SLC9A9: variants seen among roughly 807,000 people sequenced by gnomAD.
The protein encoded by SLC9A9 is solute carrier family 9 member A9, also known as sodium/hydrogen exchanger 9.
In SLC9A9, 62 loss-of-function variants were observed where a neutral mutation model predicts 77.8. That is an observed-to-expected ratio of 0.80 (90% confidence interval 0.65 to 0.98). SLC9A9 has a LOEUF of 0.98. Among genes scored for constraint, SLC9A9 ranks in the 50% least tolerant of loss-of-function variants. The probability of loss-of-function intolerance (pLI) is 0.00; values close to 1 mark genes in which losing one functional copy is unlikely to be tolerated. For missense variants in SLC9A9, 775 were observed against 774.9 expected (o/e 1.00, Z 0.00); for synonymous variants, 320 against 283.5 (o/e 1.13, Z -1.29).
At chr3:143,792,894 A>G (rs1012892396) in intron 4 of SLC9A9, among the ~76,000 whole-genome samples, 2 of 152,164 alleles carry the variant, frequency 1.3e-5, no homozygotes, top group Non-Finnish European at 2.9e-5. Context: ...TGACCTCCCT[A>G]AAGTATGAAT....
At chr3:143,776,922 G>T (rs973895342) in intron 4 of SLC9A9, among the ~76,000 whole-genome samples, 1 of 152,150 alleles carries the variant, frequency 6.6e-6, no homozygotes, top group African/African-American at 2.4e-5. Flanking sequence ...ACAATTTCAT[G>T]AATTCAATTA....
In SLC9A9 at chr3:143,574,107, G is replaced by T. The variant is rs750185998; in HGVS notation, c.981C>A (p.Ala327=). The part of the protein sequence containing the change: ...FLLSWSAFLS[A]EAAGLTGIVA... The stretch of plus-strand genomic sequence containing the variant: ...ACTGACCTGTTAGGCCGGCAGCCTC[G>T]GCAGACAGGAAGGCACTCCAAGAAA... The change falls in exon 8 of 16, where the codon GCC becomes GCA. Residue 327 remains alanine, a synonymous_variant. Transcript: ENST00000316549. 6.2e-7 allele frequency: 1 copy of T among 1,613,138 alleles called. No homozygotes were observed. The highest frequency in any genetic ancestry group is 1.3e-5 in the African/African-American group (1 of 74,846).
intron 8 of SLC9A9, 132 bp from the exon 9 acceptor site, chr3:143,552,582 G>A (rs1186711603): frequency 2.8e-6 from 2 of 713,326 alleles, no homozygotes; most frequent in East Asian, 2.7e-5. Flanking sequence ...CCATGATAAT[G>A]CAACCTAGGT....
intron 5 of SLC9A9, among the ~76,000 whole-genome samples, chr3:143,677,656 G>A (rs905839717): frequency 5.3e-5 from 8 of 152,168 alleles, no homozygotes; most frequent in African/African-American, 1.7e-4. Context: ...CTGCAACCCT[G>A]CCAGCAATGA....
chr3:143,555,044 C>A (rs1261073758), intron 8 of SLC9A9, among the ~76,000 whole-genome samples: 2 of 152,136 alleles, frequency 1.3e-5, no homozygotes, highest in African/African-American at 4.8e-5. Context: ...TGTGTCCCCA[C>A]CCAAATCTCA....
intron 14 of SLC9A9, among the ~76,000 whole-genome samples, chr3:143,328,320 G>A (rs2031662943): frequency 6.6e-6 from 1 of 152,208 alleles, no homozygotes; most frequent in African/African-American, 2.4e-5. Context: ...GCTCCAAAAT[G>A]TAAGGTCTAT....
At chr3:143,548,196 A>T (rs2036820068) in intron 9 of SLC9A9, among the ~76,000 whole-genome samples, 1 of 152,170 alleles carries the variant, frequency 6.6e-6, no homozygotes, top group Non-Finnish European at 1.5e-5. Flanking sequence ...GATGCTATGG[A>T]AGTACATGGT....
intron 11 of SLC9A9, among the ~76,000 whole-genome samples, chr3:143,477,681 A>G (rs943404172): frequency 3.3e-5 from 5 of 152,136 alleles, no homozygotes; most frequent in African/African-American, 1.2e-4. Flanking sequence ...GAAGTTTGGG[A>G]GTCTGTGTGT....
intron 6 of SLC9A9, among the ~76,000 whole-genome samples, chr3:143,631,581 C>T (rs917025629): frequency 6.6e-6 from 1 of 152,036 alleles, no homozygotes; most frequent in Non-Finnish European, 1.5e-5. Flanking sequence ...AAATATATTG[C>T]CTTTCCTCTT....
chr3:143,613,157 T>G (rs1388711193), intron 6 of SLC9A9, among the ~76,000 whole-genome samples: 2 of 152,252 alleles, frequency 1.3e-5, no homozygotes, highest in Admixed American at 1.3e-4. Context: ...ATCTTTATGC[T>G]GGGCTATGGT....
chr3:143,661,009 G>A (rs1039112006), intron 5 of SLC9A9, among the ~76,000 whole-genome samples: 1 of 152,134 alleles, frequency 6.6e-6, no homozygotes, highest in Admixed American at 6.5e-5. Context: ...TACTCAGAAT[G>A]CACCATTTTA....
chr3:143,804,204 C>T (rs892185543), intron 2 of SLC9A9, among the ~76,000 whole-genome samples: 2 of 152,140 alleles, frequency 1.3e-5, no homozygotes, highest in Admixed American at 1.3e-4. Context: ...CAGATAAGCC[C>T]TCTATCAATA....
At chr3:143,640,451 C>A (rs1406924820) in intron 6 of SLC9A9, among the ~76,000 whole-genome samples, 1 of 152,162 alleles carries the variant, frequency 6.6e-6, no homozygotes, top group Non-Finnish European at 1.5e-5. Context: ...CATCACTGGG[C>A]ACTCTAAACT....
chr3:143,690,792 A>T (rs569191213), intron 5 of SLC9A9, among the ~76,000 whole-genome samples: 1 of 152,254 alleles, frequency 6.6e-6, no homozygotes, highest in Admixed American at 6.5e-5. Context: ...GAAAAAATGG[A>T]TTATTTGCCC....
chr3:143,526,645 A>G (rs2108617694), intron 9 of SLC9A9, among the ~76,000 whole-genome samples: 1 of 152,334 alleles, frequency 6.6e-6, no homozygotes, highest in African/African-American at 2.4e-5. Flanking sequence ...TTAAGGAGAC[A>G]GAGAACAATT....
intron 4 of SLC9A9, among the ~76,000 whole-genome samples, chr3:143,793,098 C>G (rs147845158): frequency 1.3e-5 from 2 of 152,270 alleles, no homozygotes; most frequent in African/African-American, 4.8e-5. Flanking sequence ...TAGGACTACT[C>G]TTTTAGTCAA....
chr3:143,514,789 C>G (rs1037584044), intron 9 of SLC9A9, among the ~76,000 whole-genome samples: 3 of 152,214 alleles, frequency 2.0e-5, no homozygotes, highest in Non-Finnish European at 4.4e-5. Flanking sequence ...AATGTTGTAG[C>G]TGGTTTTATC....
chr3:143,359,608 A>G (rs934877633), intron 14 of SLC9A9, among the ~76,000 whole-genome samples: 1 of 152,134 alleles, frequency 6.6e-6, no homozygotes, highest in Non-Finnish European at 1.5e-5. Context: ...GAGGGGAAAG[A>G]GTAGGATAGG....
At chr3:143,495,230 A>G (rs901257167) in intron 10 of SLC9A9, 105 bp downstream of exon 10, 12 of 937,908 alleles carry the variant, frequency 1.3e-5, no homozygotes, top group Admixed American at 1.9e-5. Context: ...TGAGCCTTGC[A>G]GTGGACTTTA....
Sources: allele counts gnomAD v4.1 joint callset (sites outside exome capture counted in the v4.1 genomes callset), GRCh38; gene constraint gnomAD v4.1.1; transcripts MANE v1.5; gene names NCBI Gene and HGNC (gene_info 2026-07-23, HGNC 2026-07-21).